Variants in TAF1B observed in about 807,000 individuals in gnomAD.
TAF1B encodes the protein TATA-box binding protein associated factor, RNA polymerase I subunit B, also known as TATA box-binding protein-associated factor RNA polymerase I subunit B.
TAF1B carries 61 observed loss-of-function variants against 83.9 expected under a neutral mutation model. The ratio of observed to expected loss-of-function variants is 0.73; its 90% CI spans 0.59 to 0.90. The LOEUF (loss-of-function observed/expected upper bound fraction) is 0.90. Among genes scored for constraint, TAF1B ranks in the 40% least tolerant of loss-of-function variants. The pLI, the probability that TAF1B is intolerant of heterozygous loss-of-function variation, is 0.00. For synonymous variants in TAF1B, 221 were observed against 224.6 expected (o/e 0.98, Z 0.14); for missense variants, 625 against 677.0 (o/e 0.92, Z 0.85).
chr2:9,893,489 G>A (rs563167697), intron 8 of TAF1B, among the ~76,000 whole-genome samples: 7 of 152,322 alleles, frequency 4.6e-5, no homozygotes, highest in Non-Finnish European at 7.4e-5. Flanking sequence ...GCAGCTGCAA[G>A]CAACGTGAAT....
chr2:9,850,721 G>C (rs1373115021), intron 3 of TAF1B, among the ~76,000 whole-genome samples: 1 of 152,082 alleles, frequency 6.6e-6, no homozygotes, highest in Non-Finnish European at 1.5e-5. Flanking sequence ...CAGCAGTGAG[G>C]GGCAAAACAT....
intron 3 of TAF1B, among the ~76,000 whole-genome samples, chr2:9,850,203 GA>G (rs1466560975): frequency 6.6e-6 from 1 of 152,070 alleles, no homozygotes; most frequent in Non-Finnish European, 1.5e-5. Context: ...AGTAAAACCT[GA>G]TTAATTTTGC....
intron 6 of TAF1B, among the ~76,000 whole-genome samples, chr2:9,871,482 A>AT (rs1664166952): frequency 6.6e-6 from 1 of 151,834 alleles, no homozygotes; most frequent in African/African-American, 2.4e-5. Context: ...TTACCCTCTC[A>AT]TTTTTGTGGA....
rs926139434 is a variant in TAF1B at position 9,934,380 on chromosome 2, G to A, written c.*396G>A. ...CATATGTAAAAATATAAAAGTATTA[G>A]TAGAAAACAAATATGAATGCTTTGA... On this transcript the variant is annotated 3_prime_UTR_variant, in exon 15 of 15. Transcript: ENST00000263663. 2 of 157,646 alleles carry A rather than the reference G, an allele frequency of 1.3e-5. No homozygotes were observed. The highest frequency in any genetic ancestry group is 4.8e-5 in the African/African-American group (2 of 41,468). The allele number at this position is 157,646 out of a possible 1,614,324, so 9.8% of individuals were successfully genotyped here.
intron 2 of TAF1B, among the ~76,000 whole-genome samples, chr2:9,846,715 C>G (rs538502348): frequency 6.6e-6 from 1 of 152,238 alleles, no homozygotes; most frequent in Non-Finnish European, 1.5e-5. Context: ...AGCTGGAATG[C>G]TTATCTCTGC....
chr2:9,887,862 G>GT (rs1664728740), intron 8 of TAF1B, among the ~76,000 whole-genome samples: 1 of 151,174 alleles, frequency 6.6e-6, no homozygotes, highest in Non-Finnish European at 1.5e-5. Flanking sequence ...TTTGTTTTAT[G>GT]TTTTTTAAGG....
chr2:9,865,261 T>C (rs978599752), intron 5 of TAF1B, among the ~76,000 whole-genome samples: 1 of 152,104 alleles, frequency 6.6e-6, no homozygotes, highest in Non-Finnish European at 1.5e-5. Flanking sequence ...ACAAAATCAA[T>C]GTGCAAAAAT....
chr2:9,896,206 G>T (rs890035017), intron 8 of TAF1B, among the ~76,000 whole-genome samples: 1 of 152,046 alleles, frequency 6.6e-6, no homozygotes, highest in African/African-American at 2.4e-5. Context: ...CTCCCTCCCT[G>T]CTTCCCTCCC....
In TAF1B at chr2:9,888,790, GTTTTTTTTTTT is replaced by G. The variant is rs56125595; in HGVS notation, c.807+6005_807+6015del. 3.7e-3 allele frequency among the ~76,000 whole-genome samples: 305 copies of G among 81,676 alleles called. 3 individuals carry two copies. The highest frequency in any genetic ancestry group is 0.022 in the African/African-American group (290 of 12,940). The allele number at this position is 81,676 out of a possible 152,430, so 53.6% of individuals were successfully genotyped here. A position where few individuals can be genotyped will look rare whatever the true frequency, so the allele number is the denominator to read the frequency against. ...GTTTTCTTTATGTTTCTTCTGCTTG[GTTTTTTTTTTT>G]TTTTTTTTTTTTTTTTTTTAAGACA... On this transcript the variant is annotated intron_variant, in intron 8 of 14. Transcript: ENST00000263663.
At position 9,916,837 on chromosome 2, in the gene TAF1B, C is replaced by CTTTTTTTTTTTTTTTTTTTT. The variant is rs371475463; in HGVS notation, c.1272-2186_1272-2185insTTTTTTTTTTTTTTTTTTTT. Among the ~76,000 whole-genome samples, 204 of 95,694 alleles carry CTTTTTTTTTTTTTTTTTTTT rather than the reference C, an allele frequency of 2.1e-3. 8 individuals are homozygous for CTTTTTTTTTTTTTTTTTTTT. Among genetic ancestry groups the CTTTTTTTTTTTTTTTTTTTT allele is most frequent in the Non-Finnish European group, 3.3e-3 (145 of 44,384 alleles). The allele number at this position is 95,694 out of a possible 152,430, so 62.8% of individuals were successfully genotyped here. A position where few individuals can be genotyped will look rare whatever the true frequency, so the allele number is the denominator to read the frequency against. On this transcript the variant is annotated intron_variant, in intron 12 of 14. Coordinates refer to ENST00000263663, the MANE Select transcript of TAF1B (RefSeq NM_005680.3). Reference sequence around the variant, plus strand: ...TGATTAGAAAAATTTCCTTTCTGTTCTTTTTTTTTTTTTTTTTTGAGATGG... The same window carrying CTTTTTTTTTTTTTTTTTTTT: ...TGATTAGAAAAATTTCCTTTCTGTTCTTTTTTTTTTTTTTTTTTTTTTTTTTTTTTTTTTTTTTGAGATGG...
chr2:9,856,894 T>G (rs1005290451), intron 5 of TAF1B, among the ~76,000 whole-genome samples: 1 of 152,216 alleles, frequency 6.6e-6, no homozygotes, highest in African/African-American at 2.4e-5. Flanking sequence ...TACTTTTAAT[T>G]AGAAGCATAG....
At chr2:9,873,313 G>A (rs1219129378) in intron 6 of TAF1B, among the ~76,000 whole-genome samples, 7 of 152,192 alleles carry the variant, frequency 4.6e-5, no homozygotes, top group South Asian at 2.1e-4. Context: ...AGGACTTACA[G>A]AATTTGGAGA....
At chr2:9,885,998 A>T (rs1335620374) in intron 8 of TAF1B, among the ~76,000 whole-genome samples, 2 of 152,102 alleles carry the variant, frequency 1.3e-5, no homozygotes, top group African/African-American at 4.8e-5. Flanking sequence ...CACTTTTCTT[A>T]TTTTTCCAAT....
chr2:9,900,842 T>C (rs2125166846), intron 8 of TAF1B, among the ~76,000 whole-genome samples: 1 of 152,246 alleles, frequency 6.6e-6, no homozygotes, highest in South Asian at 2.1e-4. Context: ...TGTTGGGATA[T>C]AGAAGTTTGA....
chr2:9,859,633 A>C (rs889309227), intron 5 of TAF1B, among the ~76,000 whole-genome samples: 2 of 151,956 alleles, frequency 1.3e-5, no homozygotes, highest in Non-Finnish European at 2.9e-5. Flanking sequence ...GGTCAGGCCC[A>C]CCTCCACCTC....
chr2:9,911,416 A>AT, intron 10 of TAF1B, 95 bp from the exon 11 acceptor site: 1 of 958,030 alleles, frequency 1.0e-6, no homozygotes, highest in Non-Finnish European at 1.5e-6. Context: ...TCAATTTCAA[A>AT]TACTGTTCTA....
intron 6 of TAF1B, chr2:9,868,848 C>T (rs1489686666): frequency 2.8e-6 from 1 of 355,184 alleles, no homozygotes; most frequent in Non-Finnish European, 5.5e-6. Context: ...GTAAAATTTA[C>T]CTTGTTACAT....
intron 8 of TAF1B, among the ~76,000 whole-genome samples, chr2:9,896,960 A>G (rs1665038567): frequency 1.3e-5 from 2 of 152,340 alleles, no homozygotes; most frequent in South Asian, 4.1e-4. Flanking sequence ...GCCCAAGTAG[A>G]TAGCCAGTTC....
chr2:9,863,435 A>G (rs549024009), intron 5 of TAF1B, among the ~76,000 whole-genome samples: 28 of 152,218 alleles, frequency 1.8e-4, no homozygotes, highest in Non-Finnish European at 3.2e-4. Flanking sequence ...AGGAGCACCC[A>G]GATTCATAAA....
Sources: allele counts gnomAD v4.1 joint callset (sites outside exome capture counted in the v4.1 genomes callset), GRCh38; gene constraint gnomAD v4.1.1; transcripts MANE v1.5; gene names NCBI Gene and HGNC (gene_info 2026-07-23, HGNC 2026-07-21).